The following GNA14 variants were observed in gnomAD, a reference collection of about 807,000 sequenced individuals.
The protein encoded by GNA14 is G protein subunit alpha 14.
GNA14 carries 50 observed loss-of-function variants against 42.0 expected under a neutral mutation model. The observed-to-expected ratio is 1.19, with a 90% confidence interval of 0.95 to 1.51. The LOEUF (loss-of-function observed/expected upper bound fraction) is 1.51, where lower values mean the gene tolerates loss of function less well. GNA14 is among the 40% of genes most tolerant of loss of function. The pLI is 0.00. For missense variants in GNA14, 473 were observed against 446.2 expected, an observed-to-expected ratio of 1.06 and a Z score of -0.54; for synonymous variants, 173 against 163.1, an observed-to-expected ratio of 1.06 and a Z score of -0.46.
chr9:77,576,390 T>C (rs1358180854), intron 1 of GNA14, among the ~76,000 whole-genome samples: 1 of 152,218 alleles, frequency 6.6e-6, no homozygotes. Context: ...AATTTTTACA[T>C]CCCATCTAAA....
intron 2 of GNA14, among the ~76,000 whole-genome samples, chr9:77,452,610 TG>T (rs1835927976): frequency 1.7e-5 from 1 of 59,272 alleles, no homozygotes; most frequent in Non-Finnish European, 2.7e-5. Context: ...TGTATGTGTA[TG>T]TGTGTGTATG....
chr9:77,546,444 T>C (rs1026096214), intron 1 of GNA14, among the ~76,000 whole-genome samples: 3 of 152,098 alleles, frequency 2.0e-5, no homozygotes, highest in Non-Finnish European at 4.4e-5. Flanking sequence ...GACATCTCTC[T>C]CTGAAAGAGA....
intron 2 of GNA14, among the ~76,000 whole-genome samples, chr9:77,462,618 G>A (rs1836127478): frequency 6.6e-6 from 1 of 151,752 alleles, no homozygotes; most frequent in South Asian, 2.1e-4. Context: ...CTACTCGGGA[G>A]GCTGAGGCAG....
At chr9:77,564,296 T>TA (rs71358612) in intron 1 of GNA14, among the ~76,000 whole-genome samples, 5,165 of 134,784 alleles carry the variant, frequency 0.038, 200 homozygotes, top group African/African-American at 0.1. Flanking sequence ...CAGCACAATT[T>TA]AAAAAAAAAA....
chr9:77,641,106 A>G (rs1242549424), intron 1 of GNA14, among the ~76,000 whole-genome samples: 2 of 1,668 alleles, frequency 1.2e-3, no homozygotes, highest in African/African-American at 4.5e-3. Flanking sequence ...GGGGGGAAGG[A>G]AGGAAGGAAG....
At chr9:77,499,801 G>C (rs1389560918) in intron 2 of GNA14, among the ~76,000 whole-genome samples, 3 of 152,108 alleles carry the variant, frequency 2.0e-5, no homozygotes, top group East Asian at 1.9e-4. Flanking sequence ...AGTGGGCCGA[G>C]ATCATGCCAC....
chr9:77,638,832 A>T (rs75013352), intron 1 of GNA14, among the ~76,000 whole-genome samples: 3,032 of 152,282 alleles, frequency 0.02, 51 homozygotes, highest in African/African-American at 0.046. Flanking sequence ...AAGTGGTGAG[A>T]TTTGGCAAAT....
At chr9:77,440,329 G>A (rs1351359077) in intron 2 of GNA14, among the ~76,000 whole-genome samples, 3 of 152,304 alleles carry the variant, frequency 2.0e-5, no homozygotes, top group Admixed American at 2.0e-4. Flanking sequence ...GCCGAGTGTG[G>A]TGAGGCCCTC....
intron 2 of GNA14, among the ~76,000 whole-genome samples, chr9:77,483,683 A>C (rs190080206): frequency 1.5e-3 from 229 of 152,312 alleles, no homozygotes; most frequent in Non-Finnish European, 2.6e-3. Flanking sequence ...GAGCCTACAG[A>C]GGCAGGCTGG....
At chr9:77,636,313 G>A (rs1272926432) in intron 1 of GNA14, among the ~76,000 whole-genome samples, 4 of 152,012 alleles carry the variant, frequency 2.6e-5, no homozygotes, top group African/African-American at 7.2e-5. Flanking sequence ...TGGCTTTCAG[G>A]CAAAACAATA....
At chr9:77,451,051 A>C (rs932093263) in intron 2 of GNA14, among the ~76,000 whole-genome samples, 5 of 152,118 alleles carry the variant, frequency 3.3e-5, no homozygotes, top group African/African-American at 4.8e-5. Flanking sequence ...GTTTGTCCTT[A>C]TAGCAGCATG....
chr9:77,647,611 C>A lies in GNA14; in HGVS notation c.124+59G>T, dbSNP rs993842292. Reference sequence around the variant, plus strand: ...GGCCGCGCGGGTGCCAGTGGAGAGGCCGGGAGGGCTCGGAAGAAAAACGCC... The same window carrying A: ...GGCCGCGCGGGTGCCAGTGGAGAGGACGGGAGGGCTCGGAAGAAAAACGCC... On this transcript the variant is annotated intron_variant, in intron 1 of 6. Coordinates refer to ENST00000341700, the MANE Select transcript of GNA14 (RefSeq NM_004297.4). The A allele has an allele frequency of 3.2e-6, 5 of 1,565,594 alleles. No homozygotes were observed. The African/African-American group carries it at 5.4e-5, about 17-fold the overall frequency.
At chr9:77,612,139 A>G (rs1030966954) in intron 1 of GNA14, among the ~76,000 whole-genome samples, 2 of 152,206 alleles carry the variant, frequency 1.3e-5, no homozygotes, top group Non-Finnish European at 2.9e-5. Flanking sequence ...AAATAAATGT[A>G]GTCCCAAAGA....
At chr9:77,427,333 A>G (rs1271400020) in intron 5 of GNA14, among the ~76,000 whole-genome samples, 1 of 152,130 alleles carries the variant, frequency 6.6e-6, no homozygotes, top group African/African-American at 2.4e-5. Flanking sequence ...TTAAAAAAAA[A>G]AAAAAAATCT....
At chr9:77,492,498 G>A (rs953857017) in intron 2 of GNA14, among the ~76,000 whole-genome samples, 4 of 151,826 alleles carry the variant, frequency 2.6e-5, no homozygotes, top group African/African-American at 4.8e-5. Context: ...CTGACATCCC[G>A]GAAATGCAAA....
intron 1 of GNA14, among the ~76,000 whole-genome samples, chr9:77,536,497 T>A (rs574186240): frequency 6.6e-6 from 1 of 152,142 alleles, no homozygotes; most frequent in Admixed American, 6.5e-5. Context: ...ATTACAAGCA[T>A]GCGCCACCAC....
At chr9:77,433,310 G>A (rs1322993239) in intron 3 of GNA14, among the ~76,000 whole-genome samples, 1 of 152,162 alleles carries the variant, frequency 6.6e-6, no homozygotes, top group Non-Finnish European at 1.5e-5. Context: ...CTTTAAGAAG[G>A]ACCCATATCA....
chr9:77,535,918 C>A (rs1203507852), intron 1 of GNA14, among the ~76,000 whole-genome samples: 3 of 148,240 alleles, frequency 2.0e-5, no homozygotes, highest in Non-Finnish European at 1.5e-5. Flanking sequence ...CAAGCAAGTT[C>A]CAATTTTATT....
chr9:77,434,646 T>TGGGC (rs1467189900), intron 2 of GNA14, 124 bp from the exon 3 acceptor site: 1 of 788,778 alleles, frequency 1.3e-6, no homozygotes, highest in Non-Finnish European at 2.0e-6. Flanking sequence ...TGGGGCGTGG[T>TGGGC]GGGCACCCTC....
Sources: gnomAD v4.1 joint callset for allele counts (sites outside exome capture counted in the v4.1 genomes callset) on GRCh38, gnomAD v4.1.1 for gene constraint, MANE v1.5 for transcripts, NCBI Gene and HGNC (gene_info 2026-07-23, HGNC 2026-07-21) for gene names.